The following PLCG2 variants were observed in gnomAD, a reference collection of about 807,000 sequenced individuals.
PLCG2 encodes phospholipase C gamma 2, also known as 1-phosphatidylinositol 4,5-bisphosphate phosphodiesterase gamma-2.
A neutral mutation model predicts 175.6 loss-of-function variants in PLCG2; 69 were observed. The observed-to-expected ratio is 0.39, with a 90% confidence interval of 0.32 to 0.48. The LOEUF is 0.48. PLCG2 is among the 20% of genes least tolerant of loss of function. PLCG2 has a pLI of 0.91. For synonymous variants in PLCG2, 827 were observed against 624.0 expected (o/e 1.33, Z -4.85); for missense variants, 1,798 against 1,650.9 (o/e 1.09, Z -1.54).
chr16:81,923,602 T>C lies in PLCG2; in HGVS notation c.2417+8T>C. 4 of 1,555,906 alleles carry C rather than the reference T, an allele frequency of 2.6e-6. No homozygotes were observed. Among genetic ancestry groups the C allele is most frequent in the Non-Finnish European group, 3.5e-6 (4 of 1,127,684 alleles). Reference sequence around the variant, plus strand: ...CAAGGAGCCCGGGGGCTGGTAAGGCTGAGTGGAGGCTGGGCTGCTCGGCAG... The same window carrying C: ...CAAGGAGCCCGGGGGCTGGTAAGGCCGAGTGGAGGCTGGGCTGCTCGGCAG... On this transcript the variant is annotated splice_region_variant and intron_variant, in intron 22 of 32. Transcript: ENST00000564138.
At chr16:81,813,880 G>A (rs1453092600) in intron 2 of PLCG2, among the ~76,000 whole-genome samples, 1 of 152,220 alleles carries the variant, frequency 6.6e-6, no homozygotes, top group Non-Finnish European at 1.5e-5. Context: ...AGCTTTTGCT[G>A]TGTTAAAAGG....
At chr16:81,755,332 G>T (rs1307352733) in intron 1 of PLCG2, among the ~76,000 whole-genome samples, 1 of 151,724 alleles carries the variant, frequency 6.6e-6, no homozygotes, top group East Asian at 1.9e-4. Context: ...AAGTAGCTGG[G>T]GCTACAGGCA....
chr16:81,806,791 A>T (rs1417245282), intron 2 of PLCG2, among the ~76,000 whole-genome samples: 1 of 151,914 alleles, frequency 6.6e-6, no homozygotes, highest in Admixed American at 6.6e-5. Flanking sequence ...GGCTGTGTAG[A>T]TAAGTGTTTT....
At chr16:81,768,691 G>C (rs1429721248) in intron 2 of PLCG2, among the ~76,000 whole-genome samples, 2 of 150,206 alleles carry the variant, frequency 1.3e-5, no homozygotes, top group African/African-American at 4.9e-5. Flanking sequence ...TCAGCCTTCC[G>C]AGTAGCTGGG....
Position 81,820,562 on chromosome 16 carries a change from C to T in PLCG2, c.194-33882C>T, listed in dbSNP as rs920842981. 2.6e-5 allele frequency among the ~76,000 whole-genome samples: 4 copies of T among 152,190 alleles called. 1 individual carries two copies. The highest frequency in any genetic ancestry group is 5.9e-5 in the Non-Finnish European group (4 of 68,036). ...ATATACCACTGCCTACTCCCCCATTCTCCTCATGGGAGATCTTGGGCATAT... is the reference window on the plus strand; with the variant it reads ...ATATACCACTGCCTACTCCCCCATTTTCCTCATGGGAGATCTTGGGCATAT... On this transcript the variant is annotated intron_variant, in intron 2 of 32. Coordinates refer to ENST00000564138, the MANE Select transcript of PLCG2 (RefSeq NM_002661.5).
chr16:81,875,843 C>G (rs1168743549), intron 7 of PLCG2, among the ~76,000 whole-genome samples: 1 of 152,028 alleles, frequency 6.6e-6, no homozygotes, highest in Non-Finnish European at 1.5e-5. Flanking sequence ...GATTATTCTG[C>G]CGGATTTTAC....
At chr16:81,818,878 C>G (rs1360122605) in intron 2 of PLCG2, among the ~76,000 whole-genome samples, 2 of 92,030 alleles carry the variant, frequency 2.2e-5, no homozygotes, top group African/African-American at 4.8e-5. Context: ...AGTGTGGGCT[C>G]ATGGATTTTT....
chr16:81,833,769 A>C (rs1905372306), intron 2 of PLCG2, among the ~76,000 whole-genome samples: 1 of 151,932 alleles, frequency 6.6e-6, no homozygotes, highest in Non-Finnish European at 1.5e-5. Context: ...CTGGTCTCGG[A>C]ATTCCTGGGC....
intron 6 of PLCG2, among the ~76,000 whole-genome samples, chr16:81,870,556 T>G (rs1467233035): frequency 2.6e-5 from 4 of 152,194 alleles, no homozygotes; most frequent in Non-Finnish European, 5.9e-5. Context: ...TCTTACTTGG[T>G]AGGTGTCTCT....
intron 2 of PLCG2, among the ~76,000 whole-genome samples, chr16:81,769,776 C>T (rs917056318): frequency 2.1e-5 from 3 of 141,944 alleles, no homozygotes; most frequent in African/African-American, 8.1e-5. Flanking sequence ...GCCGAGATCC[C>T]GCCACTGCAC....
rs774408909 is a variant in PLCG2, at chr16:81,832,318, G to C, written c.194-22126G>C. ...AGCCACATTTTAGGAATAATCCTCA[G>C]ATTAAGCAAAAGAGGTTAAGTGAAT... is the stretch of plus-strand genomic sequence containing the variant. On this transcript the variant is annotated intron_variant, in intron 2 of 32. Transcript: ENST00000564138. Among the ~76,000 whole-genome samples the C allele has an allele frequency of 3.4e-4, 51 of 152,224 alleles. 1 individual carries two copies. Among genetic ancestry groups the C allele is most frequent in the Admixed American group, 2.0e-4 (3 of 15,286 alleles).
rs550861052 is a variant in PLCG2, at chr16:81,810,840, G to A, written c.193+24658G>A. ...ATTTCATCGACCTTATTGTTTAGTG[G>A]GAGAGGCAAGCACAACATTGATCAA... is the stretch of plus-strand genomic sequence containing the variant. On this transcript the variant is annotated intron_variant, in intron 2 of 32. Transcript: ENST00000564138. 3.3e-5 allele frequency among the ~76,000 whole-genome samples: 5 copies of A among 152,144 alleles called. No individual in the cohort carries two copies. The South Asian group carries it at 8.3e-4, about 25-fold the overall frequency.
rs149231444 is a variant in PLCG2 at position 81,835,318 on chromosome 16, G to A, written c.194-19126G>A. Among the ~76,000 whole-genome samples, 11 of 152,290 alleles carry A rather than the reference G, an allele frequency of 7.2e-5. No individual in the cohort carries two copies. The East Asian group carries it at 2.1e-3, about 29-fold the overall frequency. The stretch of plus-strand genomic sequence containing the variant: ...TGTTATAATAATAATGAAGATGGCC[G>A]GGTGTGGTGGCTCACACCTGTAATC... On this transcript the variant is annotated intron_variant, in intron 2 of 32. Transcript: ENST00000564138.
intron 31 of PLCG2, among the ~76,000 whole-genome samples, chr16:81,950,655 C>A (rs1043657687): frequency 1.5e-4 from 23 of 152,032 alleles, no homozygotes; most frequent in African/African-American, 5.6e-4. Flanking sequence ...TAATGATTTC[C>A]TAAGTCATTG....
intron 7 of PLCG2, among the ~76,000 whole-genome samples, chr16:81,872,779 C>G (rs547752820): frequency 6.6e-6 from 1 of 152,214 alleles, no homozygotes; most frequent in Non-Finnish European, 1.5e-5. Flanking sequence ...CTTGGATGAA[C>G]CACTGACTGC....
intron 1 of PLCG2, among the ~76,000 whole-genome samples, chr16:81,753,342 GTTTTTTTTTTT>G (rs34438350): frequency 5.5e-5 from 5 of 91,124 alleles, no homozygotes; most frequent in Non-Finnish European, 6.3e-5. Flanking sequence ...GTCCTGGCAG[GTTTTTTTTTTT>G]TTTTTTTTTT....
intron 2 of PLCG2, among the ~76,000 whole-genome samples, chr16:81,791,172 C>T (rs921389728): frequency 1.3e-5 from 2 of 151,986 alleles, no homozygotes; most frequent in African/African-American, 4.8e-5. Flanking sequence ...TCAAACTTGC[C>T]CTTGCAAGAT....
At chr16:81,919,373 C>A in intron 19 of PLCG2, 111 bp from the exon 20 acceptor site, 1 of 754,218 alleles carries the variant, frequency 1.3e-6, no homozygotes. Flanking sequence ...GTTTATTTAC[C>A]CACTTCTCTA....
At chr16:81,758,740 C>A (rs1265034635) in intron 2 of PLCG2, among the ~76,000 whole-genome samples, 1 of 151,134 alleles carries the variant, frequency 6.6e-6, no homozygotes, top group Non-Finnish European at 1.5e-5. Flanking sequence ...TGCAGTGGCA[C>A]AATCTCAGCT....
Sources: allele counts gnomAD v4.1 joint callset (sites outside exome capture counted in the v4.1 genomes callset), GRCh38; gene constraint gnomAD v4.1.1; transcripts MANE v1.5; gene names NCBI Gene and HGNC (gene_info 2026-07-23, HGNC 2026-07-21).